Variants in BMPER observed in about 807,000 individuals in gnomAD.
BMPER encodes the protein BMP-binding endothelial regulator protein.
BMPER carries 45 observed loss-of-function variants against 87.3 expected under a neutral mutation model. The ratio of observed to expected loss-of-function variants is 0.52; its 90% CI spans 0.41 to 0.66. BMPER has a LOEUF of 0.66. BMPER is among the 30% of genes least tolerant of loss of function. The probability of loss-of-function intolerance (pLI) is 0.00; values close to 1 mark genes in which losing one functional copy is unlikely to be tolerated. For missense variants in BMPER, 784 were observed against 867.5 expected (o/e 0.90, Z 1.21); for synonymous variants, 326 against 316.2 (o/e 1.03, Z -0.33).
intron 13 of BMPER, among the ~76,000 whole-genome samples, chr7:34,093,768 TTGAATAAG>T (rs1298471934): frequency 6.6e-6 from 1 of 152,236 alleles, no homozygotes; most frequent in Non-Finnish European, 1.5e-5. Context: ...GAGCACAGAT[TTGAATAAG>T]TGTCACTGTA....
chr7:34,046,946 T>C (rs1476402185), intron 7 of BMPER, among the ~76,000 whole-genome samples: 1 of 151,600 alleles, frequency 6.6e-6, no homozygotes, highest in African/African-American at 2.4e-5. Context: ...TTTTCTCATT[T>C]TATCTTCTTA....
chr7:34,109,778 C>A (rs1328108050), intron 13 of BMPER, among the ~76,000 whole-genome samples: 1 of 152,194 alleles, frequency 6.6e-6, no homozygotes, highest in Non-Finnish European at 1.5e-5. Context: ...ATTTTCTTTA[C>A]TCCATTTTAT....
intron 6 of BMPER, among the ~76,000 whole-genome samples, chr7:33,985,510 G>A (rs578013479): frequency 3.3e-5 from 5 of 152,224 alleles, no homozygotes; most frequent in South Asian, 4.1e-4. Flanking sequence ...CTTTGGCTAA[G>A]TTCTATAATT....
intron 2 of BMPER, among the ~76,000 whole-genome samples, chr7:33,907,851 C>T (rs1389450634): frequency 6.6e-6 from 1 of 152,168 alleles, no homozygotes; most frequent in African/African-American, 2.4e-5. Context: ...GAATTCATTT[C>T]GGTTTAGGCA....
intron 3 of BMPER, among the ~76,000 whole-genome samples, chr7:33,946,217 T>C (rs921143559): frequency 3.9e-5 from 6 of 152,116 alleles, no homozygotes; most frequent in African/African-American, 1.4e-4. Context: ...CTCACTATCA[T>C]GAGAACAGCA....
At chr7:33,975,474 C>T (rs1285510412) in intron 6 of BMPER, among the ~76,000 whole-genome samples, 3 of 152,104 alleles carry the variant, frequency 2.0e-5, no homozygotes, top group South Asian at 2.1e-4. Flanking sequence ...ACGATCTCTC[C>T]AGCATGCTTA....
At chr7:34,108,668 C>A (rs1246785608) in intron 13 of BMPER, among the ~76,000 whole-genome samples, 1 of 152,146 alleles carries the variant, frequency 6.6e-6, no homozygotes, top group Non-Finnish European at 1.5e-5. Context: ...TTTTGGACTA[C>A]ATTTTTCTGT....
chr7:34,101,054 A>G (rs1025996502), intron 13 of BMPER, among the ~76,000 whole-genome samples: 2 of 152,194 alleles, frequency 1.3e-5, no homozygotes, highest in African/African-American at 4.8e-5. Flanking sequence ...AGGTCCGGAC[A>G]TGATCTTTGT....
At chr7:34,039,624 AC>A (rs1787779949) in intron 6 of BMPER, among the ~76,000 whole-genome samples, 3 of 151,820 alleles carry the variant, frequency 2.0e-5, no homozygotes, top group African/African-American at 7.3e-5. Flanking sequence ...ACACACACAC[AC>A]ACACACACAC....
At position 34,055,260 on chromosome 7, in the gene BMPER, C is replaced by T. The variant is rs1191501915; in HGVS notation, c.884C>T (p.Pro295Leu). The change falls in exon 9 of 15, where the codon CCA (proline) becomes CTA (leucine). Residue 295 changes from proline to leucine, a missense_variant. By Grantham distance (98) the Pro-to-Leu change is moderately conservative. Coordinates refer to ENST00000649409, the MANE Select transcript of BMPER (RefSeq NM_001365308.1). The part of the protein sequence containing the change: ...CCEECLLRVP[P>L]EDIKVCKFGN... ...GAAGAGTGCCTCCTACGAGTGCCCC[C>T]AGAAGACATCAAAGTATGCAAATTT... 1 of 1,613,980 alleles carries T rather than the reference C, an allele frequency of 6.2e-7. No homozygotes were observed.
intron 14 of BMPER, 28 bp downstream of exon 14, chr7:34,143,388 T>A (rs772776130): frequency 1.2e-6 from 2 of 1,613,068 alleles, no homozygotes; most frequent in African/African-American, 1.3e-5. Flanking sequence ...GATCTACCCA[T>A]CAAAAGTTTA....
At chr7:33,949,017 GTC>G (rs749527027) in intron 3 of BMPER, among the ~76,000 whole-genome samples, 2 of 152,208 alleles carry the variant, frequency 1.3e-5, no homozygotes, top group African/African-American at 2.4e-5. Context: ...ACTGATTATA[GTC>G]TGGGTGGACC....
chr7:34,041,821 G>T (rs1787840492), intron 6 of BMPER, among the ~76,000 whole-genome samples: 1 of 151,920 alleles, frequency 6.6e-6, no homozygotes, highest in Non-Finnish European at 1.5e-5. Context: ...AAAGAATTTG[G>T]CATAGGAAAA....
intron 12 of BMPER, among the ~76,000 whole-genome samples, chr7:34,080,528 G>A (rs1404705943): frequency 1.3e-5 from 2 of 152,118 alleles, no homozygotes; most frequent in Non-Finnish European, 2.9e-5. Context: ...CAAGTTTAGC[G>A]GGATTAGTCC....
intron 13 of BMPER, among the ~76,000 whole-genome samples, chr7:34,093,836 G>A (rs551080895): frequency 1.3e-5 from 2 of 152,260 alleles, no homozygotes; most frequent in Admixed American, 6.5e-5. Context: ...CTGCTTAGGG[G>A]ACTTCTTGAT....
intron 6 of BMPER, among the ~76,000 whole-genome samples, chr7:33,986,641 A>C (rs1786019003): frequency 6.6e-6 from 1 of 152,152 alleles, no homozygotes; most frequent in Non-Finnish European, 1.5e-5. Context: ...AAGGAGACTT[A>C]AGAGTAGCTG....
intron 13 of BMPER, among the ~76,000 whole-genome samples, chr7:34,105,280 C>T (rs1789789600): frequency 6.6e-6 from 1 of 152,196 alleles, no homozygotes; most frequent in African/African-American, 2.4e-5. Flanking sequence ...ACATTCCTTG[C>T]ACATCAGCAG....
chr7:34,077,333 C>T (rs1441140804), intron 11 of BMPER, among the ~76,000 whole-genome samples: 2 of 152,056 alleles, frequency 1.3e-5, no homozygotes, highest in East Asian at 1.9e-4. Flanking sequence ...TGTGAAGCAA[C>T]ACACCGTGTA....
chr7:33,910,612 A>G (rs1042479584), intron 2 of BMPER, among the ~76,000 whole-genome samples: 2 of 152,242 alleles, frequency 1.3e-5, no homozygotes, highest in African/African-American at 4.8e-5. Flanking sequence ...AGCAAAAAAC[A>G]TTATTCTGAG....
Sources: allele counts gnomAD v4.1 joint callset (sites outside exome capture counted in the v4.1 genomes callset), GRCh38; gene constraint gnomAD v4.1.1; transcripts MANE v1.5; gene names NCBI Gene and HGNC (gene_info 2026-07-23, HGNC 2026-07-21).